The following SCO1 variants were observed in gnomAD, a reference collection of about 807,000 sequenced individuals.
SCO1 encodes the protein synthesis of cytochrome C oxidase 1, also known as cytochrome c oxidase assembly factor SCO1.
SCO1 carries 23 observed loss-of-function variants against 34.0 expected under a neutral mutation model. The observed-to-expected ratio is 0.68, with a 90% CI of 0.49 to 0.96. The LOEUF (loss-of-function observed/expected upper bound fraction) is 0.96. SCO1 is among the 40% of genes least tolerant of loss of function. SCO1 has a pLI of 0.00. For synonymous variants in SCO1, 161 were observed against 145.5 expected (o/e 1.11, Z -0.77); for missense variants, 404 against 381.6 (o/e 1.06, Z -0.49).
intron 5 of SCO1, among the ~76,000 whole-genome samples, chr17:10,681,524 C>G (rs1376325621): frequency 6.6e-6 from 1 of 152,206 alleles, no homozygotes; most frequent in Admixed American, 6.5e-5. Context: ...AACATATTTA[C>G]CCACACACTC....
At chr17:10,692,102 AGAGGAAGAGGAC>A in intron 3 of SCO1, 138 bp from the exon 4 acceptor site, 1 of 705,574 alleles carries the variant, frequency 1.4e-6, no homozygotes, top group South Asian at 1.5e-5. Context: ...ATTCAGGTGA[AGAGGAAGAGGAC>A]GGGGAAGGGG....
At position 10,691,977 on chromosome 17, in the gene SCO1, T is replaced by C; in HGVS notation, c.563-13A>G. The C allele has an allele frequency of 6.4e-7, 1 of 1,564,166 alleles. No individual in the cohort carries two copies. Among genetic ancestry groups the C allele is most frequent in the Middle Eastern group, 1.7e-4 (1 of 5,960 alleles). ...GTTGTAATGCTATCTGAAAGAGAGT[T>C]CCAATTAGTCCGTATTCACACCCTA... On this transcript the variant is annotated splice_polypyrimidine_tract_variant and intron_variant, in intron 3 of 5. Coordinates refer to ENST00000255390, the MANE Select transcript of SCO1 (RefSeq NM_004589.4).
rs1331312298 is a variant in SCO1, at chr17:10,695,258, C to T, written c.364+483G>A. Among the ~76,000 whole-genome samples, 3 of 152,290 alleles carry T rather than the reference C, an allele frequency of 2.0e-5. No homozygotes were observed. The East Asian group carries it at 5.8e-4, about 29-fold the overall frequency. ...TTTGCTCTCACAACATGGTAAGCTTCCTTCTGGCCTGGCAGAATCGCATCT... is the reference window on the plus strand; with the variant it reads ...TTTGCTCTCACAACATGGTAAGCTTTCTTCTGGCCTGGCAGAATCGCATCT... On this transcript the variant is annotated intron_variant, in intron 2 of 5. Transcript: ENST00000255390.
At chr17:10,689,896 G>T (rs1412292423) in intron 4 of SCO1, among the ~76,000 whole-genome samples, 1 of 152,086 alleles carries the variant, frequency 6.6e-6, no homozygotes, top group East Asian at 1.9e-4. Context: ...AGAGGACCGA[G>T]AAATTAAGCC....
At chr17:10,696,737 GTAGTGGCTCTCAA>G (rs1333619909) in intron 1 of SCO1, among the ~76,000 whole-genome samples, 1 of 152,128 alleles carries the variant, frequency 6.6e-6, no homozygotes, top group Non-Finnish European at 1.5e-5. Context: ...TTACCACAGG[GTAGTGGCTCTCAA>G]GTTATTTCTG....
At chr17:10,696,082 A>AAAAT (rs1038339144) in intron 1 of SCO1, among the ~76,000 whole-genome samples, 3 of 150,144 alleles carry the variant, frequency 2.0e-5, no homozygotes, top group South Asian at 2.1e-4. Flanking sequence ...AAAAAAAAAA[A>AAAAT]AAAAAAAAAA....
Position 10,672,574 on chromosome 17 carries a change from AC to A in SCO1, c.*8544del, listed in dbSNP as rs545854664. The A allele has an allele frequency of 1.4e-4, 22 of 152,300 alleles. No homozygotes were observed. Among genetic ancestry groups the A allele is most frequent in the African/African-American group, 5.3e-4 (22 of 41,568 alleles). The allele number at this position is 152,300 out of a possible 1,614,324, so 9.4% of individuals were successfully genotyped here. On this transcript the variant is annotated 3_prime_UTR_variant, in exon 6 of 6. Transcript: ENST00000255390. ...CACAGATGTATGCAGTTGTGCAGCG[AC>A]CACTACCAAGACACAGATCATTTTT...
chr17:10,691,824 CA>C, intron 4 of SCO1, 47 bp downstream of exon 4: 2 of 1,284,070 alleles, frequency 1.6e-6, no homozygotes, highest in Non-Finnish European at 2.3e-6. Flanking sequence ...ACTGATATTC[CA>C]AAAACTTTAA....
rs766454175 is a variant in SCO1 at position 10,692,774 on chromosome 17, CA to C, written c.551del (p.Val184GlyfsTer4). ...PEELEKMIQV[V>X]DEIDSITTLP... is the part of the protein sequence containing the mutation. ...TGATGGCTTTCTTACCTATTTCATC[CA>C]CGACTTGAATCATCTTTTCTAGTTC... On this transcript the variant is annotated frameshift_variant, in exon 3 of 6. Transcript: ENST00000255390. LOFTEE classifies it high-confidence loss of function. 37 of 1,613,730 alleles carry C rather than the reference CA, an allele frequency of 2.3e-5. No homozygotes were observed. Among genetic ancestry groups the C allele is most frequent in the Non-Finnish European group, 3.0e-5 (35 of 1,179,792 alleles).
intron 4 of SCO1, 73 bp downstream of exon 4, chr17:10,691,799 G>A: frequency 1.1e-6 from 1 of 923,756 alleles, no homozygotes; most frequent in Non-Finnish European, 1.8e-6. Context: ...ACAAGGCACT[G>A]TAAGGTTCAA....
rs1301051282 is a variant in SCO1 at position 10,679,221 on chromosome 17, T to C, written c.*1898A>G. 3 of 152,406 alleles carry C rather than the reference T, an allele frequency of 2.0e-5. No individual in the cohort carries two copies. Among genetic ancestry groups the C allele is most frequent in the South Asian group, 2.1e-4 (1 of 4,836 alleles). 9.4% of individuals were successfully genotyped at this position (152,406 alleles called of 1,614,324 possible). On this transcript the variant is annotated 3_prime_UTR_variant, in exon 6 of 6. Coordinates refer to ENST00000255390, the MANE Select transcript of SCO1 (RefSeq NM_004589.4). The stretch of plus-strand genomic sequence containing the variant: ...CCTCGGCCTCCCAAAGTGCTGGGAT[T>C]ACAGGCATAAGCCACTGTGCCCAGC...
rs981920543 is a variant in SCO1 at position 10,679,465 on chromosome 17, A to C, written c.*1654T>G. 7.2e-5 allele frequency: 11 copies of C among 152,210 alleles called. No individual in the cohort carries two copies. Among genetic ancestry groups the C allele is most frequent in the African/African-American group, 2.7e-4 (11 of 41,450 alleles). 9.4% of individuals were successfully genotyped at this position (152,210 alleles called of 1,614,324 possible). A position where few individuals can be genotyped will look rare whatever the true frequency, so the allele number is the denominator to read the frequency against. On this transcript the variant is annotated 3_prime_UTR_variant, in exon 6 of 6. Coordinates refer to ENST00000255390, the MANE Select transcript of SCO1 (RefSeq NM_004589.4). Reference sequence around the variant, plus strand: ...CTTTTACTTTGATATATTTAGGTTTAAGTATTGAGAATTTAAAAACCAAAA... The same window carrying C: ...CTTTTACTTTGATATATTTAGGTTTCAGTATTGAGAATTTAAAAACCAAAA...
Position 10,681,215 on chromosome 17 carries a change from A to C in SCO1, c.810T>G (p.Asp270Glu), listed in dbSNP as rs754153691. ...HTIIMYLIGP[D>E]GEFLDYFGQN... ...GGCCAAAATAATCTAGAAACTCACC[A>C]TCTGGTCCAATCAAGTACATTATTA... The change falls in exon 6 of 6, where the codon GAT (aspartate) becomes GAG (glutamate). Residue 270 changes from aspartate to glutamate, a missense_variant. Asp to Glu is a conservative substitution (Grantham distance 45). Transcript: ENST00000255390. 1.4e-5 allele frequency: 23 copies of C among 1,614,008 alleles called. No homozygotes were observed. The highest frequency in any genetic ancestry group is 1.9e-5 in the Non-Finnish European group (23 of 1,180,014).
chr17:10,691,988 C>T (rs200872433), intron 3 of SCO1, 24 bp from the exon 4 acceptor site: 30 of 1,483,048 alleles, frequency 2.0e-5, no homozygotes, highest in Middle Eastern at 1.7e-4. Context: ...CCAATTAGTC[C>T]GTATTCACAC....
Position 10,675,841 on chromosome 17 carries a change from G to A in SCO1, c.*5278C>T, listed in dbSNP as rs1447970801. 2 of 152,146 alleles carry A rather than the reference G, an allele frequency of 1.3e-5. No homozygotes were observed. Among genetic ancestry groups the A allele is most frequent in the Non-Finnish European group, 2.9e-5 (2 of 68,032 alleles). 9.4% of individuals were successfully genotyped at this position (152,146 alleles called of 1,614,324 possible). Reference sequence around the variant, plus strand: ...TTAAGAATGGGAAGAGAGGCTTGGCGGGGAGGGTTGTCTTTCCCTAGGGTT... The same window carrying A: ...TTAAGAATGGGAAGAGAGGCTTGGCAGGGAGGGTTGTCTTTCCCTAGGGTT... On this transcript the variant is annotated 3_prime_UTR_variant, in exon 6 of 6. Transcript: ENST00000255390.
Position 10,686,200 on chromosome 17 carries a change from C to G in SCO1, c.771+527G>C, listed in dbSNP as rs866030356. On this transcript the variant is annotated intron_variant, in intron 5 of 5. Coordinates refer to ENST00000255390, the MANE Select transcript of SCO1 (RefSeq NM_004589.4). ...GAGGTCGAAGTGAGCCAAGATCGCACCACTGCACTCCAGCCTGGCTGACGG... is the reference window on the plus strand; with the variant it reads ...GAGGTCGAAGTGAGCCAAGATCGCAGCACTGCACTCCAGCCTGGCTGACGG... 5.9e-5 allele frequency among the ~76,000 whole-genome samples: 9 copies of G among 152,230 alleles called. No homozygotes were observed. In the East Asian group the frequency reaches 1.7e-3, roughly 29 times the overall value.
intron 4 of SCO1, among the ~76,000 whole-genome samples, chr17:10,688,300 T>G (rs766108023): frequency 6.6e-6 from 1 of 152,126 alleles, no homozygotes; most frequent in Non-Finnish European, 1.5e-5. Flanking sequence ...ATACACATAA[T>G]GTGAAAACAA....
intron 2 of SCO1, among the ~76,000 whole-genome samples, chr17:10,694,372 A>G (rs1362827743): frequency 6.6e-6 from 1 of 152,208 alleles, no homozygotes; most frequent in Non-Finnish European, 1.5e-5. Flanking sequence ...GAAAGACATC[A>G]AGTGGCAAAA....
intron 4 of SCO1, among the ~76,000 whole-genome samples, chr17:10,688,409 G>A (rs1038900259): frequency 6.6e-6 from 1 of 152,178 alleles, no homozygotes. Flanking sequence ...AACATTAACA[G>A]TCATTAAGAA....
Sources: gnomAD v4.1 joint callset for allele counts (sites outside exome capture counted in the v4.1 genomes callset) on GRCh38, gnomAD v4.1.1 for gene constraint, MANE v1.5 for transcripts, NCBI Gene and HGNC (gene_info 2026-07-23, HGNC 2026-07-21) for gene names.